GMPR: variants seen among roughly 807,000 people sequenced by gnomAD.
The protein encoded by GMPR is GMP reductase 1.
GMPR carries 31 observed loss-of-function variants against 38.4 expected under a neutral mutation model. That is an observed-to-expected ratio of 0.81 (90% confidence interval 0.61 to 1.09). GMPR has a LOEUF of 1.09. Among genes scored for constraint, GMPR ranks in the 50% least tolerant of loss-of-function variants. The pLI, the probability that GMPR is intolerant of heterozygous loss-of-function variation, is 0.00. For synonymous variants in GMPR, 162 were observed against 173.3 expected (o/e 0.93, Z 0.51); for missense variants, 468 against 453.7 (o/e 1.03, Z -0.29).
intron 7 of GMPR, among the ~76,000 whole-genome samples, chr6:16,286,222 G>A (rs1759674989): frequency 1.3e-5 from 2 of 152,046 alleles, no homozygotes; most frequent in Admixed American, 1.3e-4. Context: ...ATCCCGCAGC[G>A]GTTTCTCCCT....
At chr6:16,286,575 TTA>T (rs1031504657) in intron 7 of GMPR, among the ~76,000 whole-genome samples, 11 of 152,080 alleles carry the variant, frequency 7.2e-5, no homozygotes, top group Admixed American at 2.6e-4. Context: ...GCAGGAAACT[TTA>T]TGTCATAGGA....
In GMPR at chr6:16,295,052, G is replaced by GA. The variant is rs777890338; in HGVS notation, c.908dup (p.Asn303LysfsTer78). 8.7e-6 allele frequency: 14 copies of GA among 1,609,540 alleles called. No homozygotes were observed. The highest frequency in any genetic ancestry group is 1.1e-5 in the Non-Finnish European group (13 of 1,178,196). On this transcript the variant is annotated frameshift_variant, in exon 9 of 9. Transcript: ENST00000259727. LOFTEE classifies it high-confidence loss of function. ...GGAAGTTCCTTACAAAGGAGATGTG[G>GA]AAAACACTATCCTGGATATTCTCGG...
Position 16,290,520 on chromosome 6 carries a change from T to A in GMPR, c.756T>A (p.Ala252=). ...TGTTTTCGGGTCATACGGAGTGTGC[T>A]GGAGAAGTGTTTGAGAGGAACGGAC... ...GGMFSGHTEC[A]GEVFERNGRK... is the part of the protein sequence containing the mutation. Residue 252 remains alanine (A), a synonymous_variant, in exon 8 of 9, where the codon GCT becomes GCA. Transcript: ENST00000259727. The A allele has an allele frequency of 1.2e-6, 2 of 1,614,008 alleles. No homozygotes were observed. Among genetic ancestry groups the A allele is most frequent in the Middle Eastern group, 3.3e-4 (2 of 6,062 alleles).
At chr6:16,243,148 T>A (rs1483015755) in intron 1 of GMPR, among the ~76,000 whole-genome samples, 1 of 152,214 alleles carries the variant, frequency 6.6e-6, no homozygotes, top group Non-Finnish European at 1.5e-5. Flanking sequence ...AGTTTGGCGC[T>A]GTTCTGAGTC....
rs138905370 is a variant in GMPR at position 16,274,017 on chromosome 6, T to C, written c.466-398T>C. Among the ~76,000 whole-genome samples, 850 of 152,172 alleles carry C rather than the reference T, an allele frequency of 5.6e-3. 10 individuals are homozygous for C. Among genetic ancestry groups the C allele is most frequent in the African/African-American group, 0.019 (804 of 41,502 alleles). ...TTTTAGTAGAGACAGGGTTTCACCA[T>C]GTTGGCCAGGATGGTCTCAATCTCT... is the stretch of plus-strand genomic sequence containing the variant. On this transcript the variant is annotated intron_variant, in intron 4 of 8. Coordinates refer to ENST00000259727, the MANE Select transcript of GMPR (RefSeq NM_006877.4).
In GMPR at chr6:16,266,181, T is replaced by TGCCATCTTTAAGAGCTGTAACACTC. The variant is rs1262817466; in HGVS notation, c.466-8231_466-8207dup. Among the ~76,000 whole-genome samples, 2 of 22,628 alleles carry TGCCATCTTTAAGAGCTGTAACACTC rather than the reference T, an allele frequency of 8.8e-5. 1 individual carries two copies. Among genetic ancestry groups the TGCCATCTTTAAGAGCTGTAACACTC allele is most frequent in the Non-Finnish European group, 2.4e-4 (2 of 8,228 alleles). 14.8% of individuals were successfully genotyped at this position (22,628 alleles called of 152,430 possible). A position where few individuals can be genotyped will look rare whatever the true frequency, so the allele number is the denominator to read the frequency against. ...TGCCATCTTTAAGAGCTGTAACACT[T>TGCCATCTTTAAGAGCTGTAACACTC]GCCATCTTTAAGAGCTGTAACACTC... On this transcript the variant is annotated intron_variant, in intron 4 of 8. Transcript: ENST00000259727.
At chr6:16,241,352 G>A (rs1250133081) in intron 1 of GMPR, among the ~76,000 whole-genome samples, 2 of 152,178 alleles carry the variant, frequency 1.3e-5, no homozygotes, top group African/African-American at 4.8e-5. Flanking sequence ...CAGTAAGAGT[G>A]ATCTCCCCCT....
intron 1 of GMPR, among the ~76,000 whole-genome samples, chr6:16,244,955 G>A (rs1758726673): frequency 6.6e-6 from 1 of 152,160 alleles, no homozygotes; most frequent in African/African-American, 2.4e-5. Context: ...AGGTTTTGGA[G>A]TGCCAAGAAA....
intron 3 of GMPR, among the ~76,000 whole-genome samples, chr6:16,251,314 TA>T (rs1758870570): frequency 6.6e-6 from 1 of 152,334 alleles, no homozygotes; most frequent in African/African-American, 2.4e-5. Flanking sequence ...CTCACGCCTG[TA>T]ATCCCAGAAC....
At chr6:16,281,478 T>C (rs1266602456) in intron 6 of GMPR, among the ~76,000 whole-genome samples, 1 of 152,126 alleles carries the variant, frequency 6.6e-6, no homozygotes, top group Non-Finnish European at 1.5e-5. Flanking sequence ...TTCTTTTTTT[T>C]CTTTTTAGTT....
chr6:16,259,557 A>AG (rs956948250), intron 4 of GMPR, among the ~76,000 whole-genome samples: 57 of 152,038 alleles, frequency 3.7e-4, no homozygotes, highest in African/African-American at 1.2e-3. Context: ...GAGTGGGATT[A>AG]GGGGCGGCGT....
chr6:16,287,983 C>A (rs926589749), intron 7 of GMPR, among the ~76,000 whole-genome samples: 1 of 152,254 alleles, frequency 6.6e-6, no homozygotes, highest in Non-Finnish European at 1.5e-5. Flanking sequence ...CCAGGCTCCC[C>A]TCCTCCTTCA....
At chr6:16,268,323 T>G (rs1759309154) in intron 4 of GMPR, among the ~76,000 whole-genome samples, 1 of 152,192 alleles carries the variant, frequency 6.6e-6, no homozygotes, top group African/African-American at 2.4e-5. Context: ...TCCTCTTTTT[T>G]GTTGTTGTTG....
Position 16,295,098 on chromosome 6 carries a change from C to T in GMPR, c.950C>T (p.Thr317Ile), listed in dbSNP as rs1230640085. 1.9e-6 allele frequency: 3 copies of T among 1,583,788 alleles called. No individual in the cohort carries two copies. Among genetic ancestry groups the T allele is most frequent in the African/African-American group, 2.8e-5 (2 of 71,920 alleles). The part of the protein sequence containing the change: ...DILGGLRSTC[T>I]YVGAAKLKEL... ...CTCGGGGGACTGAGGTCCACGTGCA[C>T]CTACGTGGGGGCCGCCAAACTCAAG... is the stretch of plus-strand genomic sequence containing the variant. Residue 317 changes from threonine to isoleucine, a missense_variant, in exon 9 of 9, where the codon ACC (threonine) becomes ATC (isoleucine). Physicochemically the swap from Thr to Ile is moderately conservative, Grantham distance 89. Coordinates refer to ENST00000259727, the MANE Select transcript of GMPR (RefSeq NM_006877.4).
intron 8 of GMPR, 24 bp from the exon 9 acceptor site, chr6:16,294,978 TAAAA>T (rs1759909343): frequency 6.3e-7 from 1 of 1,585,508 alleles, no homozygotes; most frequent in Non-Finnish European, 8.6e-7. Flanking sequence ...GGAAACTAGA[TAAAA>T]AGAAAACTTC....
intron 4 of GMPR, among the ~76,000 whole-genome samples, chr6:16,263,679 GAAATA>G (rs1759131093): frequency 7.0e-6 from 1 of 142,592 alleles, no homozygotes; most frequent in Non-Finnish European, 1.5e-5. Flanking sequence ...TCAGGGCACA[GAAATA>G]AGGGATTGGG....
rs563900522 is a variant in GMPR, at chr6:16,286,821, G to A, written c.697+986G>A. Reference sequence around the variant, plus strand: ...CTCAGGAGGCCAAGGTGGGAGAATCGCTTGAACCCGGGAGCCAGAAGTTGC... The same window carrying A: ...CTCAGGAGGCCAAGGTGGGAGAATCACTTGAACCCGGGAGCCAGAAGTTGC... On this transcript the variant is annotated intron_variant, in intron 7 of 8. Transcript: ENST00000259727. 2.8e-3 allele frequency among the ~76,000 whole-genome samples: 431 copies of A among 152,098 alleles called. 2 individuals are homozygous for A. The highest frequency in any genetic ancestry group is 0.01 in the African/African-American group (416 of 41,494).
At chr6:16,266,410 AAC>A (rs1759227629) in intron 4 of GMPR, among the ~76,000 whole-genome samples, 4 of 114,760 alleles carry the variant, frequency 3.5e-5, no homozygotes, top group Non-Finnish European at 6.9e-5. Context: ...TAAGAGCTGT[AAC>A]ACTCACTGTG....
intron 4 of GMPR, 43 bp from the exon 5 acceptor site, chr6:16,274,372 C>A: frequency 2.5e-6 from 3 of 1,211,556 alleles, no homozygotes; most frequent in Non-Finnish European, 2.5e-6. Flanking sequence ...TTTATACCAG[C>A]AATAGTAGTT....
Sources: gnomAD v4.1 joint callset for allele counts (sites outside exome capture counted in the v4.1 genomes callset) on GRCh38, gnomAD v4.1.1 for gene constraint, MANE v1.5 for transcripts, NCBI Gene and HGNC (gene_info 2026-07-23, HGNC 2026-07-21) for gene names.